Variants in CNTN5 observed in about 807,000 individuals in gnomAD.
CNTN5 encodes the protein contactin-5.
CNTN5 carries 77 observed loss-of-function variants against 129.1 expected under a neutral mutation model. The ratio of observed to expected loss-of-function variants is 0.60; its 90% confidence interval spans 0.50 to 0.72. The LOEUF is 0.72. Among genes scored for constraint, CNTN5 ranks in the 30% least tolerant of loss-of-function variants. The pLI is 0.00. For missense variants in CNTN5, 1,478 were observed against 1,328.8 expected (o/e 1.11, Z -1.75); for synonymous variants, 509 against 465.6 (o/e 1.09, Z -1.20).
At chr11:99,777,092 A>T (rs1207527394) in intron 3 of CNTN5, among the ~76,000 whole-genome samples, 1 of 151,862 alleles carries the variant, frequency 6.6e-6, no homozygotes, top group Non-Finnish European at 1.5e-5. Flanking sequence ...GCCATATTTG[A>T]TTATTATTAT....
rs538682099 is a variant in CNTN5 at position 99,253,041 on chromosome 11, G to A, written c.-209-72305G>A. On this transcript the variant is annotated intron_variant, in intron 1 of 24. Transcript: ENST00000524871. The stretch of plus-strand genomic sequence containing the variant: ...ATTTCATTAATTCGTGATATGGTTT[G>A]GCTGTGTCCCCACTCAAATCTCACC... Among the ~76,000 whole-genome samples the A allele has an allele frequency of 1.3e-4, 19 of 150,928 alleles. No homozygotes were observed. The East Asian group carries it at 3.7e-3, about 30-fold the overall frequency.
chr11:100,325,524 C>T (rs964432890), intron 21 of CNTN5, among the ~76,000 whole-genome samples: 5 of 152,148 alleles, frequency 3.3e-5, no homozygotes, highest in Non-Finnish European at 7.4e-5. Context: ...TGCAGTGACC[C>T]AGCCTCAAAA....
intron 1 of CNTN5, among the ~76,000 whole-genome samples, chr11:99,022,750 A>G (rs889344394): frequency 6.6e-6 from 1 of 152,212 alleles, no homozygotes; most frequent in Non-Finnish European, 1.5e-5. Context: ...GAATTTGACA[A>G]ATAGCTGGAG....
chr11:99,711,989 A>G (rs1029038524), intron 3 of CNTN5, among the ~76,000 whole-genome samples: 13 of 152,232 alleles, frequency 8.5e-5, no homozygotes, highest in Admixed American at 5.2e-4. Context: ...TCCTTTGGGT[A>G]TATACCCAGT....
At position 99,925,091 on chromosome 11, in the gene CNTN5, T is replaced by C. The variant is rs538755726; in HGVS notation, c.673+8942T>C. On this transcript the variant is annotated intron_variant, in intron 7 of 24. Coordinates refer to ENST00000524871, the MANE Select transcript of CNTN5 (RefSeq NM_014361.4). ...GTGCAAAACCATAGACAGGTATATCTCACTTAAATATGCTCTCCAAACAAT... is the reference window on the plus strand; with the variant it reads ...GTGCAAAACCATAGACAGGTATATCCCACTTAAATATGCTCTCCAAACAAT... Among the ~76,000 whole-genome samples, 5 of 152,294 alleles carry C rather than the reference T, an allele frequency of 3.3e-5. No homozygotes were observed. The South Asian group carries it at 1.0e-3, about 32-fold the overall frequency.
chr11:99,993,546 G>C (rs1372860895), intron 8 of CNTN5, among the ~76,000 whole-genome samples: 1 of 152,104 alleles, frequency 6.6e-6, no homozygotes, highest in Non-Finnish European at 1.5e-5. Flanking sequence ...ATTCTCATAA[G>C]GATTATGCAG....
At chr11:100,047,756 AG>A (rs1942759068) in intron 9 of CNTN5, among the ~76,000 whole-genome samples, 1 of 152,174 alleles carries the variant, frequency 6.6e-6, no homozygotes, top group South Asian at 2.1e-4. Context: ...CACTTGAATC[AG>A]TAGATTGAGT....
intron 3 of CNTN5, among the ~76,000 whole-genome samples, chr11:99,654,798 T>G (rs1952289677): frequency 6.6e-6 from 1 of 152,128 alleles, no homozygotes. Context: ...TCCCAAGTCT[T>G]TTTTAGTAGA....
At position 99,935,692 on chromosome 11, in the gene CNTN5, G is replaced by C. The variant is rs186970303; in HGVS notation, c.673+19543G>C. Reference sequence around the variant, plus strand: ...TGAGAGAATCAGTATTAAGTTTGTTGATAAGTATTGTCAAACTGTCTTTCA... The same window carrying C: ...TGAGAGAATCAGTATTAAGTTTGTTCATAAGTATTGTCAAACTGTCTTTCA... On this transcript the variant is annotated intron_variant, in intron 7 of 24. Coordinates refer to ENST00000524871, the MANE Select transcript of CNTN5 (RefSeq NM_014361.4). Among the ~76,000 whole-genome samples the C allele has an allele frequency of 5.3e-5, 8 of 152,110 alleles. 1 individual carries two copies. Among genetic ancestry groups the C allele is most frequent in the African/African-American group, 1.9e-4 (8 of 41,528 alleles).
At chr11:99,337,054 G>A (rs1416932197) in intron 2 of CNTN5, among the ~76,000 whole-genome samples, 1 of 151,994 alleles carries the variant, frequency 6.6e-6, no homozygotes, top group Admixed American at 6.6e-5. Flanking sequence ...AAGCTAGAAG[G>A]GGAATCAGTG....
At chr11:100,186,465 T>C (rs1948304047) in intron 13 of CNTN5, among the ~76,000 whole-genome samples, 1 of 152,036 alleles carries the variant, frequency 6.6e-6, no homozygotes. Flanking sequence ...AATAATAAAT[T>C]CCTACAAGAT....
At chr11:99,714,221 G>T (rs1324107657) in intron 3 of CNTN5, among the ~76,000 whole-genome samples, 1 of 151,786 alleles carries the variant, frequency 6.6e-6, no homozygotes, top group Admixed American at 6.6e-5. Context: ...GGTATCAGTA[G>T]CTCTGTAGTA....
chr11:100,210,174 CAA>C (rs59613776), intron 15 of CNTN5, among the ~76,000 whole-genome samples: 16,353 of 80,832 alleles, frequency 0.2, 881 homozygotes, highest in Non-Finnish European at 0.25. Context: ...TGCCTCTATA[CAA>C]AAAAAAAAAA....
intron 15 of CNTN5, among the ~76,000 whole-genome samples, chr11:100,217,431 T>C (rs1949162695): frequency 6.6e-6 from 1 of 152,206 alleles, no homozygotes; most frequent in African/African-American, 2.4e-5. Flanking sequence ...GTTAAATAAT[T>C]ACATAATTGT....
At chr11:100,263,582 TG>T (rs1950246865) in intron 17 of CNTN5, among the ~76,000 whole-genome samples, 1 of 152,178 alleles carries the variant, frequency 6.6e-6, no homozygotes, top group Admixed American at 6.5e-5. Context: ...GCCTCATTCC[TG>T]GATCCATTAT....
intron 16 of CNTN5, among the ~76,000 whole-genome samples, chr11:100,232,517 T>C (rs549645588): frequency 1.3e-5 from 2 of 152,258 alleles, no homozygotes; most frequent in East Asian, 3.9e-4. Flanking sequence ...ATGCAAGCAA[T>C]TATGTGTGAA....
chr11:99,071,997 A>C (rs923788660), intron 1 of CNTN5, among the ~76,000 whole-genome samples: 1 of 152,154 alleles, frequency 6.6e-6, no homozygotes, highest in Non-Finnish European at 1.5e-5. Flanking sequence ...ACTTTTTCAC[A>C]ACACATTTAA....
chr11:100,136,229 T>C (rs1410094332), intron 13 of CNTN5, among the ~76,000 whole-genome samples: 1 of 148,058 alleles, frequency 6.8e-6, no homozygotes, highest in African/African-American at 2.5e-5. Flanking sequence ...TACTTTGTCC[T>C]TGAATATGGT....
intron 1 of CNTN5, among the ~76,000 whole-genome samples, chr11:99,085,695 A>G (rs1033976207): frequency 1.3e-5 from 2 of 152,128 alleles, no homozygotes; most frequent in East Asian, 1.9e-4. Context: ...TTATAAGCTT[A>G]TGTTTAATAT....
Sources: allele counts gnomAD v4.1 joint callset (sites outside exome capture counted in the v4.1 genomes callset), GRCh38; gene constraint gnomAD v4.1.1; transcripts MANE v1.5; gene names NCBI Gene and HGNC (gene_info 2026-07-23, HGNC 2026-07-21).